Variants in TMEM268 observed in about 807,000 individuals in gnomAD.
TMEM268 encodes the protein transmembrane protein C9orf91.
TMEM268 carries 24 observed loss-of-function variants against 39.1 expected under a neutral mutation model. That is an observed-to-expected ratio of 0.61 (90% CI 0.44 to 0.86). The LOEUF is 0.86. TMEM268 is among the 40% of genes least tolerant of loss of function. TMEM268 has a pLI of 0.00. For missense variants in TMEM268, 409 were observed against 428.6 expected (o/e 0.95, Z 0.40); for synonymous variants, 176 against 173.5 (o/e 1.01, Z -0.12).
intron 2 of TMEM268, among the ~76,000 whole-genome samples, chr9:114,623,052 T>A (rs1049598816): frequency 6.6e-6 from 1 of 152,072 alleles, no homozygotes; most frequent in Non-Finnish European, 1.5e-5. Context: ...ATCGTGCCAC[T>A]GCACTCCAGC....
upstream of TMEM268, among the ~76,000 whole-genome samples, chr9:114,609,852 GAA>G (rs146399782): frequency 0.48 from 71,733 of 149,346 alleles, 17,103 homozygotes; most frequent in East Asian, 0.62. Context: ...AAGAAAGAAA[GAA>G]AGAGAAAGAG....
chr9:114,627,350 G>A (rs764352273), intron 4 of TMEM268, among the ~76,000 whole-genome samples: 32 of 152,192 alleles, frequency 2.1e-4, no homozygotes, highest in Non-Finnish European at 1.3e-4. Flanking sequence ...CTGCTCAACA[G>A]ATGGGTTATT....
chr9:114,616,505 A>G (rs1235448374), intron 1 of TMEM268, among the ~76,000 whole-genome samples: 1 of 151,916 alleles, frequency 6.6e-6, no homozygotes, highest in East Asian at 1.9e-4. Flanking sequence ...AGCTGGGATT[A>G]CAAGTGTGCA....
the TMEM268 span, among the ~76,000 whole-genome samples, chr9:114,605,054 T>C: frequency 6.6e-6 from 1 of 152,234 alleles, no homozygotes; most frequent in African/African-American, 2.4e-5. Context: ...TGAGCCTGAT[T>C]GAGTAAGGCC....
intron 2 of TMEM268, chr9:114,622,444 T>G: frequency 1.0e-6 from 1 of 985,146 alleles, no homozygotes; most frequent in Non-Finnish European, 1.2e-6. Context: ...CCTTGTACTG[T>G]GGTGCAAGGA....
At chr9:114,634,387 A>T (rs1199147595) in intron 6 of TMEM268, among the ~76,000 whole-genome samples, 6 of 152,234 alleles carry the variant, frequency 3.9e-5, no homozygotes, top group African/African-American at 1.4e-4. Flanking sequence ...TACCAGAGTG[A>T]CACAGCGGGG....
intron 1 of TMEM268, among the ~76,000 whole-genome samples, chr9:114,615,221 G>A (rs779413742): frequency 2.0e-5 from 3 of 152,116 alleles, no homozygotes; most frequent in African/African-American, 7.2e-5. Flanking sequence ...GCTGATGAAC[G>A]TGACTGAGTG....
Position 114,611,490 on chromosome 9 carries a change from C to T in TMEM268, c.-153C>T. The T allele has an allele frequency of 6.3e-6, 1 of 158,078 alleles. No homozygotes were observed. Among genetic ancestry groups the T allele is most frequent in the Non-Finnish European group, 1.3e-5 (1 of 74,492 alleles). The allele number at this position is 158,078 out of a possible 1,614,324, so 9.8% of individuals were successfully genotyped here. On this transcript the variant is annotated 5_prime_UTR_variant, in exon 1 of 9. Transcript: ENST00000288502. ...GCGGGGCTGCGGTGCCCAGAGGCTG[C>T]GGCATTAGGGGCTCGGCGCCCCCGA... is the stretch of plus-strand genomic sequence containing the variant.
chr9:114,638,327 C>T (rs1846732114), intron 7 of TMEM268, among the ~76,000 whole-genome samples: 1 of 152,222 alleles, frequency 6.6e-6, no homozygotes, highest in South Asian at 2.1e-4. Context: ...CAGGCATGAG[C>T]CACCATGCCT....
chr9:114,615,720 G>A (rs1310714326), intron 1 of TMEM268, among the ~76,000 whole-genome samples: 1 of 152,150 alleles, frequency 6.6e-6, no homozygotes, highest in Admixed American at 6.5e-5. Context: ...TTGAGACAGT[G>A]TCTTGCTCTC....
intron 1 of TMEM268, among the ~76,000 whole-genome samples, chr9:114,615,934 C>T (rs973547872): frequency 2.6e-5 from 4 of 151,850 alleles, no homozygotes; most frequent in Admixed American, 6.6e-5. Context: ...TCAGGTGATT[C>T]GCCCACTTTG....
In TMEM268 at chr9:114,633,802, C is replaced by A. The variant is rs1476855368; in HGVS notation, c.509C>A (p.Ala170Asp). The A allele has an allele frequency of 6.2e-7, 1 of 1,603,872 alleles. No homozygotes were observed. The highest frequency in any genetic ancestry group is 1.3e-5 in the African/African-American group (1 of 74,598). ...NTNTDLRLAA[A>D]NGALLRHRVL... Reference sequence around the variant, plus strand: ...AACACGGACCTGAGGCTGGCAGCTGCCAATGGAGCCCTCCTGAGACACCGG... The same window carrying A: ...AACACGGACCTGAGGCTGGCAGCTGACAATGGAGCCCTCCTGAGACACCGG... The change falls in exon 6 of 9, where the codon GCC becomes GAC. Residue 170 changes from alanine (A) to aspartate (D), a missense_variant. Coordinates refer to ENST00000288502, the MANE Select transcript of TMEM268 (RefSeq NM_153045.4).
rs1827553249 is a variant in TMEM268, at chr9:114,645,908, A to T, written c.*2595A>T. On this transcript the variant is annotated 3_prime_UTR_variant, in exon 9 of 9. Transcript: ENST00000288502. The stretch of plus-strand genomic sequence containing the variant: ...CCTACTTTACAGGGTTGCTGTGAAG[A>T]TCGCATACTACACACAGGAATGCTC... 5.9e-5 allele frequency: 9 copies of T among 152,152 alleles called. No homozygotes were observed. Among genetic ancestry groups the T allele is most frequent in the Admixed American group, 3.9e-4 (6 of 15,282 alleles). 9.4% of individuals were successfully genotyped at this position (152,152 alleles called of 1,614,324 possible).
intron 4 of TMEM268, among the ~76,000 whole-genome samples, chr9:114,627,634 T>C (rs1024966217): frequency 3.3e-5 from 5 of 152,280 alleles, no homozygotes; most frequent in African/African-American, 1.2e-4. Context: ...GGAACCAGCA[T>C]TGATTCATTC....
chr9:114,606,403 G>A (rs1023879627), upstream of TMEM268, among the ~76,000 whole-genome samples: 2 of 152,134 alleles, frequency 1.3e-5, no homozygotes, highest in Non-Finnish European at 2.9e-5. Context: ...AAGCTCTCAC[G>A]TACAGTTAGT....
At chr9:114,634,723 T>A (rs1251406788) in intron 6 of TMEM268, among the ~76,000 whole-genome samples, 3 of 152,146 alleles carry the variant, frequency 2.0e-5, no homozygotes, top group Non-Finnish European at 1.5e-5. Flanking sequence ...CCTGCCTCAG[T>A]TCCTCCACGA....
intron 8 of TMEM268, among the ~76,000 whole-genome samples, chr9:114,641,513 C>G (rs1827337265): frequency 6.6e-6 from 1 of 152,198 alleles, no homozygotes; most frequent in Non-Finnish European, 1.5e-5. Context: ...TACAGACCAA[C>G]TGTGTTAATA....
At chr9:114,643,089 A>G (rs1827427306) in intron 8 of TMEM268, 45 bp from the exon 9 acceptor site, 2 of 1,604,060 alleles carry the variant, frequency 1.2e-6, no homozygotes, top group African/African-American at 1.3e-5. Context: ...TTTTTCCTCA[A>G]GGGGCTCCCC....
chr9:114,616,108 C>G (rs1392884088), intron 1 of TMEM268, among the ~76,000 whole-genome samples: 2 of 149,534 alleles, frequency 1.3e-5, no homozygotes, highest in Admixed American at 1.3e-4. Flanking sequence ...CTCCACCCCC[C>G]GGGTTCACGC....
Sources: gnomAD v4.1 joint callset for allele counts (sites outside exome capture counted in the v4.1 genomes callset) on GRCh38, gnomAD v4.1.1 for gene constraint, MANE v1.5 for transcripts, NCBI Gene and HGNC (gene_info 2026-07-23, HGNC 2026-07-21) for gene names.